Variants in CAMK2G observed in about 807,000 individuals in gnomAD.
CAMK2G encodes calcium/calmodulin-dependent protein kinase type II subunit gamma.
A neutral mutation model predicts 88.7 loss-of-function variants in CAMK2G; 23 were observed. That is an observed-to-expected ratio of 0.26 (90% CI 0.19 to 0.37). The LOEUF (loss-of-function observed/expected upper bound fraction) is 0.37. Ranked by LOEUF, CAMK2G falls within the 10% of genes least tolerant of loss-of-function variation. The pLI is 1.00. For synonymous variants in CAMK2G, 263 were observed against 294.8 expected, an observed-to-expected ratio of 0.89 and a Z score of 1.11; for missense variants, 476 against 780.8, an observed-to-expected ratio of 0.61 and a Z score of 4.65.
Position 73,820,663 on chromosome 10 carries a change from A to ATTTTTTTTT in CAMK2G, c.1249+1010_1249+1018dup, listed in dbSNP as rs1198716305. Among the ~76,000 whole-genome samples, 58 of 46,126 alleles carry ATTTTTTTTT rather than the reference A, an allele frequency of 1.3e-3. 1 individual carries two copies. Among genetic ancestry groups the ATTTTTTTTT allele is most frequent in the African/African-American group, 7.8e-3 (56 of 7,198 alleles). The allele number at this position is 46,126 out of a possible 152,430, so 30.3% of individuals were successfully genotyped here. A position where few individuals can be genotyped will look rare whatever the true frequency, so the allele number is the denominator to read the frequency against. On this transcript the variant is annotated intron_variant, in intron 18 of 22. Transcript: ENST00000423381. The stretch of plus-strand genomic sequence containing the variant: ...AGGACCCCGCCACCACACCCGGCTA[A>ATTTTTTTTT]TTTTTTTTTTTTTTTTTTTTTTTTT...
At chr10:73,817,454 C>A (rs1554989730) in intron 20 of CAMK2G, 25 bp downstream of exon 20, 1 of 1,473,284 alleles carries the variant, frequency 6.8e-7, no homozygotes, top group Non-Finnish European at 9.5e-7. Context: ...ACTTAGGTCA[C>A]AAAAAAAAAT....
intron 2 of CAMK2G, 144 bp downstream of exon 2, chr10:73,872,845 C>A: frequency 1.4e-6 from 1 of 707,554 alleles, no homozygotes; most frequent in Non-Finnish European, 2.6e-6. Context: ...CTGGCTTCAG[C>A]CTGACACAAA....
In CAMK2G at chr10:73,831,534, TA is replaced by T. The variant is rs985986206; in HGVS notation, c.1054-3414del. Among the ~76,000 whole-genome samples the T allele has an allele frequency of 4.0e-3, 221 of 54,636 alleles. 1 individual carries two copies. Among genetic ancestry groups the T allele is most frequent in the African/African-American group, 8.2e-3 (112 of 13,606 alleles). 35.8% of individuals were successfully genotyped at this position (54,636 alleles called of 152,430 possible). ...GCCTGGGTGAGAGTGAGACTCCGTC[TA>T]AAAAAAAAAAAAAAAAAAAAAAAAG... On this transcript the variant is annotated intron_variant, in intron 14 of 22. Coordinates refer to ENST00000423381, the MANE Select transcript of CAMK2G (RefSeq NM_001367534.1).
chr10:73,819,815 C>T (rs1211846156), intron 18 of CAMK2G, among the ~76,000 whole-genome samples, 170 bp from the exon 19 acceptor site: 4 of 152,244 alleles, frequency 2.6e-5, no homozygotes, highest in Admixed American at 6.5e-5. Context: ...CATCCCACGC[C>T]GCCGCCTCTG....
chr10:73,840,631 G>A (rs1407561631), intron 12 of CAMK2G, among the ~76,000 whole-genome samples: 1 of 152,198 alleles, frequency 6.6e-6, no homozygotes, highest in Non-Finnish European at 1.5e-5. Flanking sequence ...CCTAACACCC[G>A]ATTTCCTGAA....
At chr10:73,821,238 G>T (rs182265679) in intron 18 of CAMK2G, among the ~76,000 whole-genome samples, 36 of 152,200 alleles carry the variant, frequency 2.4e-4, no homozygotes, top group African/African-American at 6.5e-4. Context: ...GGGTATTACA[G>T]GTGTGAGCCA....
At chr10:73,815,965 C>T (rs941953744) in intron 21 of CAMK2G, 1 of 985,248 alleles carries the variant, frequency 1.0e-6, no homozygotes, top group Non-Finnish European at 1.2e-6. Flanking sequence ...CTAATATAAA[C>T]TCTGGAATTG....
chr10:73,849,409 G>T, intron 5 of CAMK2G, 76 bp from the exon 6 acceptor site: 1 of 1,049,588 alleles, frequency 9.5e-7, no homozygotes, highest in Non-Finnish European at 1.5e-6. Context: ...ACATGCTGCA[G>T]ACTAAGGCAT....
At chr10:73,849,787 G>A (rs745967036) in intron 5 of CAMK2G, among the ~76,000 whole-genome samples, 4 of 152,210 alleles carry the variant, frequency 2.6e-5, no homozygotes, top group Non-Finnish European at 4.4e-5. Context: ...GGCGGTGGGT[G>A]CACTCATTCA....
intron 13 of CAMK2G, among the ~76,000 whole-genome samples, chr10:73,838,746 A>C (rs1373938696): frequency 6.6e-6 from 1 of 152,178 alleles, no homozygotes; most frequent in East Asian, 1.9e-4. Flanking sequence ...CCTACTGTCT[A>C]AGTGCTTTCC....
In CAMK2G at chr10:73,818,927, C is replaced by T. The variant is rs2086744072; in HGVS notation, c.1363+605G>A. The T allele has an allele frequency of 7.2e-6, 3 of 419,558 alleles. No homozygotes were observed. In the Admixed American group the frequency reaches 7.6e-5, roughly 11 times the overall value. The allele number at this position is 419,558 out of a possible 1,614,324, so 26.0% of individuals were successfully genotyped here. On this transcript the variant is annotated intron_variant, in intron 19 of 22. Transcript: ENST00000423381. Reference sequence around the variant, plus strand: ...ATATGAGGATGAGCTACTGATAACCCATCGAGGCACCGTATCAAGACTTCC... The same window carrying T: ...ATATGAGGATGAGCTACTGATAACCTATCGAGGCACCGTATCAAGACTTCC...
intron 2 of CAMK2G, among the ~76,000 whole-genome samples, chr10:73,871,033 TG>T (rs1328271186): frequency 6.6e-6 from 1 of 152,188 alleles, no homozygotes; most frequent in Non-Finnish European, 1.5e-5. Flanking sequence ...GCCTATCATC[TG>T]TGCCTCTGTC....
At chr10:73,830,930 T>C (rs769531758) in intron 14 of CAMK2G, among the ~76,000 whole-genome samples, 1 of 151,492 alleles carries the variant, frequency 6.6e-6, no homozygotes, top group Non-Finnish European at 1.5e-5. Context: ...GAAGGGGGAG[T>C]TGGGAAGGGA....
intron 14 of CAMK2G, among the ~76,000 whole-genome samples, chr10:73,835,682 TCTGCCTGATAAGA>T (rs150963487): frequency 0.19 from 29,281 of 151,936 alleles, 3,800 homozygotes; most frequent in East Asian, 0.48. Flanking sequence ...AACTTCCAAT[TCTGCCTGATAAGA>T]CTGATCCAAC....
chr10:73,843,524 G>A (rs185005883), intron 10 of CAMK2G, among the ~76,000 whole-genome samples: 4 of 152,190 alleles, frequency 2.6e-5, no homozygotes, highest in African/African-American at 9.6e-5. Flanking sequence ...TCAGGGGCTC[G>A]AGACACACGG....
chr10:73,873,459 G>A, intron 1 of CAMK2G: 1 of 1,074,598 alleles, frequency 9.3e-7, no homozygotes, highest in Non-Finnish European at 1.1e-6. Context: ...GAGAGACCCT[G>A]CCCTTCTCTC....
At chr10:73,874,261 C>CGGCG (rs2095995160) in intron 1 of CAMK2G, 136 bp downstream of exon 1, 1 of 341,164 alleles carries the variant, frequency 2.9e-6, no homozygotes, top group African/African-American at 4.0e-5. Flanking sequence ...GGACCGAAGG[C>CGGCG]GGCGGGCGGG....
intron 2 of CAMK2G, among the ~76,000 whole-genome samples, chr10:73,864,634 TTTTG>T (rs893011135): frequency 3.9e-5 from 6 of 152,122 alleles, no homozygotes; most frequent in East Asian, 1.9e-4. Flanking sequence ...TCCTCACTTC[TTTTG>T]TTTGTTTTTT....
Position 73,853,194 on chromosome 10 carries a change from G to A in CAMK2G, c.273C>T (p.Asp91=). 1 of 1,613,908 alleles carries A rather than the reference G, an allele frequency of 6.2e-7. No homozygotes were observed. Among genetic ancestry groups the A allele is most frequent in the South Asian group, 1.1e-5 (1 of 91,088 alleles). ...CACCCTCAGAAAGTGGCACTTACAG[G>A]TCAAACACGAGGTAGTGAAACCCTT... ...SEEGFHYLVF[D]LVTGGELFED... The change falls in exon 4 of 23, where the codon GAC becomes GAT. Residue 91 remains aspartate, a splice_region_variant and synonymous_variant. Transcript: ENST00000423381.
Sources: allele counts gnomAD v4.1 joint callset (sites outside exome capture counted in the v4.1 genomes callset), GRCh38; gene constraint gnomAD v4.1.1; transcripts MANE v1.5; gene names NCBI Gene and HGNC (gene_info 2026-07-23, HGNC 2026-07-21).